The following MAP3K5 variants were observed in gnomAD, a reference collection of about 807,000 sequenced individuals.
MAP3K5 encodes mitogen-activated protein kinase kinase kinase 5, also known as ASK-1.
MAP3K5 carries 56 observed loss-of-function variants against 158.7 expected under a neutral mutation model. That is an observed-to-expected ratio of 0.35 (90% CI 0.28 to 0.44). MAP3K5 has a LOEUF of 0.44. MAP3K5 is among the 20% of genes least tolerant of loss of function. MAP3K5 has a pLI of 1.00. For synonymous variants in MAP3K5, 579 were observed against 601.7 expected (o/e 0.96, Z 0.55); for missense variants, 1,294 against 1,674.8 (o/e 0.77, Z 3.97).
At chr6:136,709,536 G>A (rs532152675) in intron 2 of MAP3K5, among the ~76,000 whole-genome samples, 2 of 152,178 alleles carry the variant, frequency 1.3e-5, no homozygotes, top group South Asian at 4.2e-4. Context: ...TGATGCACCA[G>A]GCACAGAAAT....
intron 3 of MAP3K5, among the ~76,000 whole-genome samples, chr6:136,700,865 CTACTGCCGT>C (rs1380067660): frequency 1.3e-5 from 2 of 152,228 alleles, no homozygotes; most frequent in Admixed American, 6.5e-5. Flanking sequence ...GGACACCCGA[CTACTGCCGT>C]TATGGGGAAC....
chr6:136,724,300 G>A (rs1200011229), intron 1 of MAP3K5, among the ~76,000 whole-genome samples: 3 of 149,746 alleles, frequency 2.0e-5, no homozygotes, highest in Non-Finnish European at 4.4e-5. Flanking sequence ...CCAGGCTGGA[G>A]TGCAGGGGCA....
chr6:136,664,237 C>T (rs766242213), intron 8 of MAP3K5, among the ~76,000 whole-genome samples: 12 of 151,918 alleles, frequency 7.9e-5, no homozygotes, highest in Non-Finnish European at 1.5e-4. Flanking sequence ...GTAGGTTGTG[C>T]GCTCCTTATG....
At chr6:136,644,957 T>C (rs1418612727) in intron 11 of MAP3K5, among the ~76,000 whole-genome samples, 1 of 152,122 alleles carries the variant, frequency 6.6e-6, no homozygotes, top group Non-Finnish European at 1.5e-5. Flanking sequence ...CCTCAAAATT[T>C]ATTTTTTTCC....
intron 7 of MAP3K5, among the ~76,000 whole-genome samples, chr6:136,677,361 T>A (rs112158011): frequency 0.14 from 21,280 of 151,950 alleles, 2,065 homozygotes; most frequent in African/African-American, 0.27. Context: ...ATGGTCTCGA[T>A]CTCTTGACCT....
chr6:136,640,984 T>C (rs189799210), intron 12 of MAP3K5, among the ~76,000 whole-genome samples: 5 of 152,310 alleles, frequency 3.3e-5, no homozygotes, highest in South Asian at 2.1e-4. Context: ...AACTGTTACA[T>C]AGGGCTACCA....
At position 136,562,558 on chromosome 6, in the gene MAP3K5, A is replaced by G. The variant is rs1035142127; in HGVS notation, c.3819T>C (p.Ala1273=). 15 of 1,604,596 alleles carry G rather than the reference A, an allele frequency of 9.3e-6. No individual in the cohort carries two copies. Among genetic ancestry groups the G allele is most frequent in the Non-Finnish European group, 1.2e-5 (14 of 1,175,710 alleles). Residue 1273 remains alanine, a synonymous_variant, in exon 27 of 30, where the codon GCT becomes GCC. Transcript: ENST00000359015. ...TAATTTCTTGGTCTTTTTCTTCAATAGCTCGATGAAGGAGTGCTTGTAATT... is the reference window on the plus strand; with the variant it reads ...TAATTTCTTGGTCTTTTTCTTCAATGGCTCGATGAAGGAGTGCTTGTAATT... ...EKELQALLHR[A]IEEKDQEIKH... is the part of the protein sequence containing the mutation.
chr6:136,587,993 T>C (rs1405281372), intron 23 of MAP3K5, among the ~76,000 whole-genome samples: 3 of 152,160 alleles, frequency 2.0e-5, no homozygotes, highest in Non-Finnish European at 2.9e-5. Context: ...AGACAAAGAA[T>C]AGACCCCAAC....
upstream of MAP3K5, among the ~76,000 whole-genome samples, chr6:136,792,715 C>T (rs1278826529): frequency 6.6e-6 from 1 of 152,186 alleles, no homozygotes; most frequent in East Asian, 1.9e-4. This position sits in a 1 kb window ranked among gnomAD's most constrained non-coding sequence, Gnocchi z 5.7. Flanking sequence ...GACCCTCCTC[C>T]CTCTTAGGCG....
intron 2 of MAP3K5, among the ~76,000 whole-genome samples, chr6:136,716,079 G>A (rs1285898440): frequency 7.9e-6 from 1 of 127,092 alleles, no homozygotes; most frequent in African/African-American, 2.9e-5. Context: ...ACAGCTGAAG[G>A]TATCTATTAA....
chr6:136,592,147 A>C (rs200915412), intron 23 of MAP3K5, 26 bp downstream of exon 23: 69 of 1,537,134 alleles, frequency 4.5e-5, no homozygotes, highest in Non-Finnish European at 5.5e-5. Context: ...ACCTTTGGGA[A>C]ATGAAGCACC....
At chr6:136,782,287 A>T (rs897052536) in intron 1 of MAP3K5, among the ~76,000 whole-genome samples, 23 of 150,760 alleles carry the variant, frequency 1.5e-4, no homozygotes, top group Non-Finnish European at 3.1e-4. Context: ...CTCAAAATAA[A>T]AAAAAAAAAA....
At chr6:136,785,148 T>C (rs1784789680) in intron 1 of MAP3K5, among the ~76,000 whole-genome samples, 2 of 152,184 alleles carry the variant, frequency 1.3e-5, no homozygotes, top group Admixed American at 6.5e-5. Flanking sequence ...CCATCTGGGA[T>C]AGATGGGATA....
chr6:136,726,517 T>C (rs1177130348), intron 1 of MAP3K5, among the ~76,000 whole-genome samples: 1 of 152,082 alleles, frequency 6.6e-6, no homozygotes, highest in African/African-American at 2.4e-5. Flanking sequence ...CACTTGAACC[T>C]TGGAGGCAGA....
chr6:136,719,649 G>A (rs1029759604), intron 2 of MAP3K5, among the ~76,000 whole-genome samples: 8 of 152,178 alleles, frequency 5.3e-5, no homozygotes, highest in African/African-American at 1.7e-4. Flanking sequence ...CAATTGCTAA[G>A]TCATTAGTAA....
chr6:136,679,152 T>G (rs1779828104), intron 7 of MAP3K5, among the ~76,000 whole-genome samples: 1 of 152,246 alleles, frequency 6.6e-6, no homozygotes, highest in South Asian at 2.1e-4. Flanking sequence ...ACTGTATTTG[T>G]CACCTGATTG....
chr6:136,713,581 T>C (rs942986435), intron 2 of MAP3K5, among the ~76,000 whole-genome samples: 3 of 152,318 alleles, frequency 2.0e-5, no homozygotes, highest in Middle Eastern at 3.4e-3. Flanking sequence ...GAGAAAACCT[T>C]CATAAAGCAG....
chr6:136,719,577 C>T (rs1781666770), intron 2 of MAP3K5, among the ~76,000 whole-genome samples: 1 of 152,208 alleles, frequency 6.6e-6, no homozygotes, highest in Non-Finnish European at 1.5e-5. Context: ...GCTTTAAATA[C>T]TCAGAATGCA....
rs143040238 is a variant in MAP3K5 at position 136,745,178 on chromosome 6, T to C, written c.449-24589A>G. On this transcript the variant is annotated intron_variant, in intron 1 of 29. Coordinates refer to ENST00000359015, the MANE Select transcript of MAP3K5 (RefSeq NM_005923.4). Reference sequence around the variant, plus strand: ...TTTTTTTTTTTTTGAGCAACTTAATTGGAGCTTCGGCATCTATTATGTATC... The same window carrying C: ...TTTTTTTTTTTTTGAGCAACTTAATCGGAGCTTCGGCATCTATTATGTATC... Among the ~76,000 whole-genome samples, 301 of 147,244 alleles carry C rather than the reference T, an allele frequency of 2.0e-3. 6 individuals are homozygous for C. The South Asian group carries it at 0.03, about 15-fold the overall frequency.
Sources: gnomAD v4.1 joint callset for allele counts (sites outside exome capture counted in the v4.1 genomes callset) on GRCh38, gnomAD v4.1.1 for gene constraint, Gnocchi (gnomAD v3.1) non-coding constraint, MANE v1.5 for transcripts, NCBI Gene and HGNC (gene_info 2026-07-23, HGNC 2026-07-21) for gene names.